CELF4: variants seen among roughly 807,000 people sequenced by gnomAD.
CELF4 encodes CUG-BP- and ETR-3-like factor 4.
CELF4 carries 18 observed loss-of-function variants against 59.9 expected under a neutral mutation model. That is an observed-to-expected ratio of 0.30 (90% CI 0.21 to 0.45). The LOEUF (loss-of-function observed/expected upper bound fraction) is 0.45. Among genes scored for constraint, CELF4 ranks in the 20% least tolerant of loss-of-function variants. The probability of loss-of-function intolerance (pLI) is 1.00; values close to 1 mark genes in which losing one functional copy is unlikely to be tolerated. For synonymous variants in CELF4, 261 were observed against 267.1 expected (o/e 0.98, Z 0.22); for missense variants, 456 against 689.0 (o/e 0.66, Z 3.79).
chr18:37,416,025 T>C (rs943363276), intron 2 of CELF4, among the ~76,000 whole-genome samples: 2 of 152,204 alleles, frequency 1.3e-5, no homozygotes, highest in Non-Finnish European at 2.9e-5. Context: ...TTGGTATCTT[T>C]CAGAAGGTGG....
At chr18:37,491,458 T>C (rs2099905017) in intron 1 of CELF4, among the ~76,000 whole-genome samples, 2 of 152,222 alleles carry the variant, frequency 1.3e-5, no homozygotes, top group South Asian at 4.1e-4. Context: ...GCCTCGTCTC[T>C]GAATAGACTT....
At chr18:37,427,976 C>T (rs368353413) in intron 2 of CELF4, among the ~76,000 whole-genome samples, 27 of 152,330 alleles carry the variant, frequency 1.8e-4, no homozygotes, top group South Asian at 6.2e-4. Flanking sequence ...TGTATGTGTG[C>T]GTGCATGTGC....
intron 2 of CELF4, among the ~76,000 whole-genome samples, chr18:37,412,793 T>G (rs963185584): frequency 6.6e-6 from 1 of 152,150 alleles, no homozygotes; most frequent in Non-Finnish European, 1.5e-5. Context: ...ATGAGAATGA[T>G]GGAGGCAGAG....
rs1366197978 is a variant in CELF4 at position 37,565,591 on chromosome 18, G to T, written c.51C>A (p.Ser17Arg). ...TLANGQADNA[S>R]LSTNGLGSSP... ...TGCTGCCGAGCCCGTTGGTACTGAG[G>T]CTTGCGTTGTCAGCCTGTCCGTTTG... The change falls in exon 1 of 13, where the codon AGC becomes AGA. Residue 17 changes from serine to arginine, a missense_variant. Physicochemically the swap from Ser to Arg is moderately radical, Grantham distance 110. Around this residue, in one of 7 missense-constraint regions of CELF4, gnomAD observed 70 missense variants for 69.5 expected, o/e 1.01. Transcript: ENST00000420428. 9 of 1,611,246 alleles carry T rather than the reference G, an allele frequency of 5.6e-6. No homozygotes were observed. In the East Asian group the frequency reaches 1.8e-4, roughly 32 times the overall value.
At chr18:37,268,112 G>A (rs2078583808) in intron 8 of CELF4, among the ~76,000 whole-genome samples, 1 of 152,196 alleles carries the variant, frequency 6.6e-6, no homozygotes, top group Non-Finnish European at 1.5e-5. Flanking sequence ...CCTAGAGACA[G>A]TGGGACAGTA....
intron 2 of CELF4, among the ~76,000 whole-genome samples, chr18:37,401,552 T>G (rs553556664): frequency 2.0e-5 from 3 of 152,292 alleles, no homozygotes; most frequent in Admixed American, 6.5e-5. Context: ...CAGAACAGCC[T>G]TATGAGCCAG....
At chr18:37,457,481 A>G (rs2099781559) in intron 2 of CELF4, among the ~76,000 whole-genome samples, 1 of 151,974 alleles carries the variant, frequency 6.6e-6, no homozygotes, top group African/African-American at 2.4e-5. Context: ...TCTTCCACCA[A>G]CCCACTTCCC....
chr18:37,312,137 A>AAAAAAAAAAAGAAAAG (rs1569557807), intron 3 of CELF4, among the ~76,000 whole-genome samples: 23 of 141,308 alleles, frequency 1.6e-4, no homozygotes, highest in Non-Finnish European at 2.1e-4. Flanking sequence ...AAAAGAAAAA[A>AAAAAAAAAAAGAAAAG]AAAAAAAGAA....
chr18:37,344,105 CTG>C (rs2098160210), intron 2 of CELF4, among the ~76,000 whole-genome samples: 1 of 152,360 alleles, frequency 6.6e-6, no homozygotes, highest in Admixed American at 6.5e-5. Flanking sequence ...CAGCTCCACA[CTG>C]TTCATCCACT....
At chr18:37,517,094 C>T (rs1307851258) in intron 1 of CELF4, among the ~76,000 whole-genome samples, 2 of 152,196 alleles carry the variant, frequency 1.3e-5, no homozygotes, top group Admixed American at 6.5e-5. Context: ...GCTCTGCAGG[C>T]TTCTGCCTTC....
At chr18:37,443,484 C>G (rs184169155) in intron 2 of CELF4, among the ~76,000 whole-genome samples, 5 of 152,260 alleles carry the variant, frequency 3.3e-5, no homozygotes, top group African/African-American at 1.2e-4. Context: ...CTCCCCACCA[C>G]CGAAGTGTGT....
intron 1 of CELF4, among the ~76,000 whole-genome samples, chr18:37,492,599 G>T (rs557411849): frequency 6.6e-6 from 1 of 152,152 alleles, no homozygotes; most frequent in Non-Finnish European, 1.5e-5. Flanking sequence ...CTGCTGCCAC[G>T]TGAGAGAGAG....
intron 3 of CELF4, among the ~76,000 whole-genome samples, chr18:37,294,060 G>A (rs1481788614): frequency 6.6e-6 from 1 of 152,102 alleles, no homozygotes; most frequent in African/African-American, 2.4e-5. Flanking sequence ...CATCCCAAAA[G>A]GAGTGCAGAT....
intron 2 of CELF4, among the ~76,000 whole-genome samples, chr18:37,419,141 G>A (rs1486910968): frequency 1.3e-5 from 2 of 152,210 alleles, no homozygotes; most frequent in Non-Finnish European, 2.9e-5. Flanking sequence ...AGCACCTAGT[G>A]CAGAGCCAAG....
At position 37,253,617 on chromosome 18, in the gene CELF4, G is replaced by T. The variant is rs770537821; in HGVS notation, c.*44+150C>A. 1.8e-5 allele frequency: 10 copies of T among 552,942 alleles called. No homozygotes were observed. Among genetic ancestry groups the T allele is most frequent in the Non-Finnish European group, 2.7e-5 (9 of 336,496 alleles). The allele number at this position is 552,942 out of a possible 1,614,324, so 34.3% of individuals were successfully genotyped here. A position where few individuals can be genotyped will look rare whatever the true frequency, so the allele number is the denominator to read the frequency against. On this transcript the variant is annotated intron_variant, in intron 12 of 12. Coordinates refer to ENST00000420428, the MANE Select transcript of CELF4 (RefSeq NM_020180.4). The surrounding 1 kb of genome is among the most constrained non-coding windows in gnomAD (Gnocchi z 4.5). The stretch of plus-strand genomic sequence containing the variant: ...CGGGGTGACGGCAGCTCTGCGCCTG[G>T]CCCGAGGAGCAGGGCGAGGAGCAGG...
At chr18:37,391,527 G>A (rs924207513) in intron 2 of CELF4, among the ~76,000 whole-genome samples, 4 of 152,170 alleles carry the variant, frequency 2.6e-5, no homozygotes, top group Admixed American at 6.5e-5. Flanking sequence ...CTTCCGGGCT[G>A]GGCACCCTCC....
At chr18:37,256,472 C>T (rs139581069) in intron 11 of CELF4, among the ~76,000 whole-genome samples, 3 of 152,142 alleles carry the variant, frequency 2.0e-5, no homozygotes, top group Non-Finnish European at 4.4e-5. Context: ...ATCCCTGGGG[C>T]GATGATTAAA....
At chr18:37,494,257 A>G (rs960546783) in intron 1 of CELF4, among the ~76,000 whole-genome samples, 2 of 152,198 alleles carry the variant, frequency 1.3e-5, no homozygotes, top group Admixed American at 1.3e-4. Context: ...GCACTGTGAA[A>G]AAAGACAAAG....
intron 2 of CELF4, among the ~76,000 whole-genome samples, chr18:37,382,323 C>T (rs957931585): frequency 1.3e-5 from 2 of 152,220 alleles, no homozygotes; most frequent in African/African-American, 4.8e-5. Flanking sequence ...TAACCACTCT[C>T]CTTCTCTGCC....
Sources: gnomAD v4.1 joint callset for allele counts (sites outside exome capture counted in the v4.1 genomes callset) on GRCh38, gnomAD v4.1.1 for gene constraint, gnomAD v4.1.1 regional missense constraint, Gnocchi (gnomAD v3.1) non-coding constraint, MANE v1.5 for transcripts, NCBI Gene and HGNC (gene_info 2026-07-23, HGNC 2026-07-21) for gene names.